CACNB4: variants seen among roughly 807,000 people sequenced by gnomAD.
CACNB4 encodes calcium voltage-gated channel auxiliary subunit beta 4.
In CACNB4, 32 loss-of-function variants were observed where a neutral mutation model predicts 71.2. The ratio of observed to expected loss-of-function variants is 0.45; its 90% CI spans 0.34 to 0.60. The LOEUF (loss-of-function observed/expected upper bound fraction) is 0.60, where lower values mean the gene tolerates loss of function less well. CACNB4 is among the 20% of genes least tolerant of loss of function. The pLI is 0.01. For synonymous variants in CACNB4, 231 were observed against 236.9 expected (o/e 0.97, Z 0.23); for missense variants, 464 against 647.9 (o/e 0.72, Z 3.08).
chr2:152,069,930 C>T (rs1208125890), intron 2 of CACNB4, among the ~76,000 whole-genome samples: 1 of 150,246 alleles, frequency 6.7e-6, no homozygotes, highest in Non-Finnish European at 1.5e-5. Context: ...GCAAGCTCTG[C>T]CTCCCGGGTT....
intron 2 of CACNB4, among the ~76,000 whole-genome samples, chr2:152,019,190 G>C (rs769332803): frequency 1.3e-5 from 2 of 152,114 alleles, no homozygotes; most frequent in Non-Finnish European, 2.9e-5. Flanking sequence ...AGGCCTTTCA[G>C]GACAGTTACC....
At chr2:152,085,553 C>T (rs536989823) in intron 2 of CACNB4, among the ~76,000 whole-genome samples, 46 of 152,222 alleles carry the variant, frequency 3.0e-4, no homozygotes, top group African/African-American at 1.1e-3. Context: ...CCCACTCCTA[C>T]CTTCCCATAC....
intron 2 of CACNB4, among the ~76,000 whole-genome samples, chr2:151,897,275 G>A (rs1324620002): frequency 6.6e-6 from 1 of 152,186 alleles, no homozygotes; most frequent in East Asian, 1.9e-4. Context: ...AGATTCCTCT[G>A]AGGTCTGTTG....
intron 2 of CACNB4, among the ~76,000 whole-genome samples, chr2:151,981,464 CTGA>C (rs1284551575): frequency 4.6e-5 from 7 of 152,072 alleles, no homozygotes; most frequent in Admixed American, 3.3e-4. Flanking sequence ...AAAATGGAAA[CTGA>C]TGTCAGGAAT....
intron 2 of CACNB4, among the ~76,000 whole-genome samples, chr2:152,032,860 A>G (rs1285222694): frequency 1.3e-5 from 2 of 152,240 alleles, no homozygotes; most frequent in Non-Finnish European, 2.9e-5. Context: ...AGACTGAGGC[A>G]AGAGAATTGA....
intron 2 of CACNB4, among the ~76,000 whole-genome samples, chr2:151,937,305 G>C (rs951695181): frequency 6.6e-6 from 1 of 152,140 alleles, no homozygotes; most frequent in African/African-American, 2.4e-5. Context: ...CATTGGTGAA[G>C]TATTCTTTTT....
At chr2:151,894,482 A>G (rs368987941) in intron 2 of CACNB4, among the ~76,000 whole-genome samples, 25 of 152,196 alleles carry the variant, frequency 1.6e-4, no homozygotes, top group African/African-American at 5.5e-4. Flanking sequence ...CTAACATCAT[A>G]CTGAATCCTC....
intron 2 of CACNB4, among the ~76,000 whole-genome samples, chr2:152,010,353 G>T (rs1682986343): frequency 6.6e-6 from 1 of 152,186 alleles, no homozygotes; most frequent in Non-Finnish European, 1.5e-5. Context: ...ACACTGGCAG[G>T]ATAGAAGAGA....
At chr2:152,096,352 C>T (rs185777198) in intron 2 of CACNB4, among the ~76,000 whole-genome samples, 27 of 151,998 alleles carry the variant, frequency 1.8e-4, no homozygotes, top group African/African-American at 5.8e-4. Context: ...GGCGTGATGG[C>T]GGGTGCCTGT....
intron 2 of CACNB4, chr2:151,967,872 C>G (rs1411373453): frequency 1.3e-5 from 2 of 151,938 alleles, no homozygotes; most frequent in Non-Finnish European, 2.9e-5. Flanking sequence ...ACAGGAAGTA[C>G]TGATAATGTG....
intron 2 of CACNB4, among the ~76,000 whole-genome samples, chr2:152,059,502 T>C (rs1560169629): frequency 1.3e-5 from 2 of 152,218 alleles, no homozygotes; most frequent in African/African-American, 2.4e-5. Flanking sequence ...GATTTTGGAT[T>C]TGCATGGGGC....
At chr2:151,947,845 T>C (rs1352786593) in intron 2 of CACNB4, among the ~76,000 whole-genome samples, 1 of 152,158 alleles carries the variant, frequency 6.6e-6, no homozygotes, top group Non-Finnish European at 1.5e-5. Flanking sequence ...AATAAGTCCC[T>C]GGTTTATAAA....
chr2:152,096,841 T>C (rs1458386367), intron 2 of CACNB4, among the ~76,000 whole-genome samples: 1 of 152,226 alleles, frequency 6.6e-6, no homozygotes, highest in Non-Finnish European at 1.5e-5. Context: ...TGCAGTTATG[T>C]AGATGAACTC....
Position 151,957,199 on chromosome 2 carries a change from C to T in CACNB4, c.148-73829G>A, listed in dbSNP as rs184547630. 3.7e-3 allele frequency among the ~76,000 whole-genome samples: 553 copies of T among 150,940 alleles called. 1 individual carries two copies. The highest frequency in any genetic ancestry group is 6.7e-3 in the Non-Finnish European group (457 of 67,880). Reference sequence around the variant, plus strand: ...CCTTTTAATTTCCTAAACCTGCTAACCCCCAATTTTAAATTCACTTTGATT... The same window carrying T: ...CCTTTTAATTTCCTAAACCTGCTAATCCCCAATTTTAAATTCACTTTGATT... On this transcript the variant is annotated intron_variant, in intron 2 of 13. Transcript: ENST00000539935.
chr2:152,000,249 G>A (rs924637103), intron 2 of CACNB4, among the ~76,000 whole-genome samples: 2 of 152,158 alleles, frequency 1.3e-5, no homozygotes, highest in South Asian at 4.1e-4. Flanking sequence ...TCCCAGAAAC[G>A]AGATGGAGGG....
At chr2:151,881,680 T>C (rs1040589737) in intron 3 of CACNB4, among the ~76,000 whole-genome samples, 1 of 152,198 alleles carries the variant, frequency 6.6e-6, no homozygotes, top group Admixed American at 6.5e-5. Context: ...ACAAGATTCC[T>C]GATATTCTGA....
At chr2:152,010,499 G>A (rs999213598) in intron 2 of CACNB4, among the ~76,000 whole-genome samples, 1 of 152,128 alleles carries the variant, frequency 6.6e-6, no homozygotes, top group East Asian at 1.9e-4. Flanking sequence ...GCAATGGGAA[G>A]GCAAATATTT....
chr2:151,992,594 G>A (rs971115761), intron 2 of CACNB4, among the ~76,000 whole-genome samples: 2 of 152,182 alleles, frequency 1.3e-5, no homozygotes. Context: ...TCTGTAAATG[G>A]CGTGGCTGTT....
At chr2:151,900,991 C>CTTTTTTTTTTTTTT (rs869114252) in intron 2 of CACNB4, among the ~76,000 whole-genome samples, 1 of 9,030 alleles carries the variant, frequency 1.1e-4, no homozygotes, top group African/African-American at 2.6e-4. Context: ...TTCTTTCTTT[C>CTTTTTTTTTTTTTT]TTTTTTTTTT....
Sources: gnomAD v4.1 joint callset for allele counts (sites outside exome capture counted in the v4.1 genomes callset) on GRCh38, gnomAD v4.1.1 for gene constraint, MANE v1.5 for transcripts, NCBI Gene and HGNC (gene_info 2026-07-23, HGNC 2026-07-21) for gene names.